Variants in KIDINS220 observed in about 807,000 individuals in gnomAD.
KIDINS220 encodes kinase D interacting substrate 220.
KIDINS220 carries 63 observed loss-of-function variants against 157.6 expected under a neutral mutation model. The observed-to-expected ratio is 0.40, with a 90% CI of 0.33 to 0.49. The LOEUF is 0.49. Among genes scored for constraint, KIDINS220 ranks in the 20% least tolerant of loss-of-function variants. The pLI, the probability that KIDINS220 is intolerant of heterozygous loss-of-function variation, is 0.66. For synonymous variants in KIDINS220, 732 were observed against 783.6 expected (o/e 0.93, Z 1.10); for missense variants, 1,772 against 2,171.2 (o/e 0.82, Z 3.65).
intron 21 of KIDINS220, 71 bp downstream of exon 21, chr2:8,776,677 T>G: frequency 1.4e-6 from 2 of 1,383,654 alleles, no homozygotes; most frequent in Non-Finnish European, 2.0e-6. Context: ...ATACCTTTGT[T>G]TCTGAAATTA....
At chr2:8,726,833 G>A (rs561524416), downstream of KIDINS220, 22 of 898,918 alleles carry the variant, frequency 2.4e-5, no homozygotes, top group Middle Eastern at 2.5e-4. Flanking sequence ...TGGCCAAAAC[G>A]TCCTAACGTG....
downstream of KIDINS220, among the ~76,000 whole-genome samples, chr2:8,725,952 T>G (rs1572381209): frequency 6.6e-6 from 1 of 152,202 alleles, no homozygotes; most frequent in Non-Finnish European, 1.5e-5. Flanking sequence ...AAAATGGACT[T>G]ACGTGCAATC....
intron 5 of KIDINS220, among the ~76,000 whole-genome samples, chr2:8,812,791 T>G (rs912338598): frequency 6.6e-6 from 1 of 152,186 alleles, no homozygotes; most frequent in African/African-American, 2.4e-5. Context: ...TTTTATAAAT[T>G]CAACACATTA....
In KIDINS220 at chr2:8,731,902, C is replaced by T; in HGVS notation, c.4134G>A (p.Lys1378=). ...SSIEISKLTD[K]VQAEYRDAYR... is the part of the protein sequence containing the mutation. ...AGGCATCTCTATACTCGGCCTGCAC[C>T]TTATCAGTAAGCTTTGAAATTTCAA... is the stretch of plus-strand genomic sequence containing the variant. The change falls in exon 30 of 30, where the codon AAG becomes AAA. Residue 1378 remains lysine (K), a synonymous_variant. Coordinates refer to ENST00000256707, the MANE Select transcript of KIDINS220 (RefSeq NM_020738.4). The surrounding 1 kb of genome is among the most constrained non-coding windows in gnomAD (Gnocchi z 5.2). 6.2e-7 allele frequency: 1 copy of T among 1,613,466 alleles called. No individual in the cohort carries two copies. Among genetic ancestry groups the T allele is most frequent in the East Asian group, 2.2e-5 (1 of 44,874 alleles).
chr2:8,768,603 C>A (rs1449744013), intron 22 of KIDINS220, among the ~76,000 whole-genome samples: 1 of 152,104 alleles, frequency 6.6e-6, no homozygotes, highest in East Asian at 1.9e-4. Flanking sequence ...TTACTACTAG[C>A]GTTAAAAATA....
rs1231788364 is a variant in KIDINS220, at chr2:8,818,811, CAA to C, written c.109-20_109-19del. On this transcript the variant is annotated intron_variant, in intron 2 of 29. Coordinates refer to ENST00000256707, the MANE Select transcript of KIDINS220 (RefSeq NM_020738.4). ...TGGCCACACTAGAGAATATAAAAGACAAAGGGAACTTATCAAGTTACTGCACT... is the reference window on the plus strand; with the variant it reads ...TGGCCACACTAGAGAATATAAAAGACAGGGAACTTATCAAGTTACTGCACT... 6.9e-7 allele frequency: 1 copy of C among 1,439,994 alleles called. No homozygotes were observed. Among genetic ancestry groups the C allele is most frequent in the Non-Finnish European group, 9.6e-7 (1 of 1,042,162 alleles). The allele number at this position is 1,439,994 out of a possible 1,614,324, so 89.2% of individuals were successfully genotyped here.
intron 22 of KIDINS220, chr2:8,757,822 T>C: frequency 6.6e-7 from 1 of 1,505,780 alleles, no homozygotes; most frequent in Non-Finnish European, 9.2e-7. Flanking sequence ...AGTATGGCTC[T>C]GTCCTCCTAA....
intron 1 of KIDINS220, among the ~76,000 whole-genome samples, chr2:8,830,065 C>T (rs11886279): frequency 0.073 from 11,072 of 152,030 alleles, 1,369 homozygotes; most frequent in African/African-American, 0.25. Flanking sequence ...TACCAAGGCA[C>T]CCATCTCCCT....
chr2:8,789,296 T>C (rs1672849981), intron 14 of KIDINS220, among the ~76,000 whole-genome samples: 1 of 148,260 alleles, frequency 6.7e-6, no homozygotes, highest in East Asian at 1.9e-4. Flanking sequence ...TTTTTTTTTT[T>C]TTTTTTTTTG....
At chr2:8,787,130 T>C (rs1672521425) in intron 15 of KIDINS220, among the ~76,000 whole-genome samples, 1 of 152,122 alleles carries the variant, frequency 6.6e-6, no homozygotes, top group Admixed American at 6.5e-5. Flanking sequence ...ACCTCATTAA[T>C]TTAGACTGGT....
intron 22 of KIDINS220, among the ~76,000 whole-genome samples, chr2:8,763,047 T>C (rs1668986309): frequency 6.6e-6 from 1 of 152,212 alleles, no homozygotes; most frequent in South Asian, 2.1e-4. Flanking sequence ...GCTATAACAT[T>C]CCCATTGATA....
At chr2:8,828,296 C>G (rs1278172811) in intron 1 of KIDINS220, among the ~76,000 whole-genome samples, 1 of 152,206 alleles carries the variant, frequency 6.6e-6, no homozygotes, top group South Asian at 2.1e-4. Context: ...CGTCAGGTCA[C>G]CTGGTTACAA....
intron 29 of KIDINS220, among the ~76,000 whole-genome samples, chr2:8,733,099 C>G (rs1664379635): frequency 6.6e-6 from 1 of 152,160 alleles, no homozygotes; most frequent in South Asian, 2.1e-4. Context: ...GTACTTCAAC[C>G]AACAGTTACT....
chr2:8,808,113 G>A (rs1019167399), intron 6 of KIDINS220, among the ~76,000 whole-genome samples: 5 of 151,294 alleles, frequency 3.3e-5, no homozygotes, highest in Non-Finnish European at 7.4e-5. Context: ...AACAGAGCAA[G>A]ACTCTGTCTC....
intron 6 of KIDINS220, among the ~76,000 whole-genome samples, chr2:8,808,421 A>G (rs891565874): frequency 1.3e-5 from 2 of 152,192 alleles, no homozygotes; most frequent in African/African-American, 4.8e-5. Context: ...ATGCAACTGA[A>G]CTATCCACGA....
At chr2:8,785,656 G>A (rs373370435) in intron 17 of KIDINS220, 85 bp downstream of exon 17, 10 of 1,071,834 alleles carry the variant, frequency 9.3e-6, no homozygotes, top group African/African-American at 6.4e-5. Flanking sequence ...AACATTTAGA[G>A]AGTGTACTTC....
Position 8,731,048 on chromosome 2 carries a change from G to A in KIDINS220, c.4988C>T (p.Pro1663Leu). ...PSECSLIASS[P>L]EENWPACQKA... ...CTGGCATGCAGGCCAGTTTTCTTCA[G>A]GGCTGCTGGCTATCAAGCTGCATTC... is the stretch of plus-strand genomic sequence containing the variant. The change falls in exon 30 of 30, where the codon CCT (proline) becomes CTT (leucine). Residue 1663 changes from proline (P) to leucine (L), a missense_variant. Pro to Leu is a moderately conservative substitution (Grantham distance 98, BLOSUM62 -3). This residue lies in a region of KIDINS220 where 793 missense variants were observed against 885.5 expected (regional missense o/e 0.90). Coordinates refer to ENST00000256707, the MANE Select transcript of KIDINS220 (RefSeq NM_020738.4). The surrounding 1 kb of genome is among the most constrained non-coding windows in gnomAD (Gnocchi z 5.2). The A allele has an allele frequency of 6.2e-7, 1 of 1,614,180 alleles. No homozygotes were observed. Among genetic ancestry groups the A allele is most frequent in the Non-Finnish European group, 8.5e-7 (1 of 1,180,028 alleles).
intron 12 of KIDINS220, among the ~76,000 whole-genome samples, chr2:8,793,354 G>A (rs917540617): frequency 1.3e-5 from 2 of 152,062 alleles, no homozygotes; most frequent in Non-Finnish European, 2.9e-5. Flanking sequence ...AAATCAGCTG[G>A]GTGTGGTAGC....
chr2:8,765,741 G>A (rs1459091726), intron 22 of KIDINS220, among the ~76,000 whole-genome samples: 1 of 152,090 alleles, frequency 6.6e-6, no homozygotes, highest in Non-Finnish European at 1.5e-5. Flanking sequence ...CACCCAGGCT[G>A]GAGTGTGGTA....
Sources: gnomAD v4.1 joint callset for allele counts (sites outside exome capture counted in the v4.1 genomes callset) on GRCh38, gnomAD v4.1.1 for gene constraint, gnomAD v4.1.1 regional missense constraint, Gnocchi (gnomAD v3.1) non-coding constraint, MANE v1.5 for transcripts, NCBI Gene and HGNC (gene_info 2026-07-23, HGNC 2026-07-21) for gene names.